SLC26A2: variants seen among roughly 807,000 people sequenced by gnomAD.
SLC26A2 encodes the protein sulfate transporter.
In SLC26A2, 36 loss-of-function variants were observed where a neutral mutation model predicts 41.1. The observed-to-expected ratio is 0.88, with a 90% CI of 0.67 to 1.16. The LOEUF is 1.16. SLC26A2 is among the 50% of genes most tolerant of loss of function. The pLI is 0.00. For synonymous variants in SLC26A2, 291 were observed against 311.6 expected (o/e 0.93, Z 0.70); for missense variants, 796 against 869.6 (o/e 0.92, Z 1.07).
In SLC26A2 at chr5:149,983,253, ATTG is replaced by A. The variant is rs1169173951; in HGVS notation, c.*1443_*1445del. The A allele has an allele frequency of 1.3e-5, 2 of 152,004 alleles. No homozygotes were observed. The highest frequency in any genetic ancestry group is 4.8e-5 in the African/African-American group (2 of 41,396). The allele number at this position is 152,004 out of a possible 1,614,324, so 9.4% of individuals were successfully genotyped here. A position where few individuals can be genotyped will look rare whatever the true frequency, so the allele number is the denominator to read the frequency against. ...ATATAGATATATGTAACTTAGCTTT[ATTG>A]TTAGCTCCATAAGCTGCCAGTGTTG... On this transcript the variant is annotated 3_prime_UTR_variant, in exon 3 of 3. Coordinates refer to ENST00000286298, the MANE Select transcript of SLC26A2 (RefSeq NM_000112.4).
At chr5:149,966,896 T>G (rs181284301) in intron 1 of SLC26A2, among the ~76,000 whole-genome samples, 1 of 152,316 alleles carries the variant, frequency 6.6e-6, no homozygotes, top group East Asian at 1.9e-4. Context: ...CTCCCAAAGT[T>G]GTGTGTGTCT....
Position 149,981,470 on chromosome 5 carries a change from T to G in SLC26A2, c.1877T>G (p.Val626Gly). ...AAGAGAAAGATCAAAGAAAAAGTAGTGACTCTTGGTGGAATCCAGGATGAA... is the reference window on the plus strand; with the variant it reads ...AAGAGAAAGATCAAAGAAAAAGTAGGGACTCTTGGTGGAATCCAGGATGAA... Reference protein sequence around the residue: ...AAKRKIKEKVVTLGGIQDEMS... With the variant: ...AAKRKIKEKVGTLGGIQDEMS... The change falls in exon 3 of 3, where the codon GTG becomes GGG. Residue 626 changes from valine to glycine, a missense_variant. Val to Gly is a moderately radical substitution (Grantham distance 109, BLOSUM62 -3). Coordinates refer to ENST00000286298, the MANE Select transcript of SLC26A2 (RefSeq NM_000112.4). 2 of 1,614,166 alleles carry G rather than the reference T, an allele frequency of 1.2e-6. No individual in the cohort carries two copies. The highest frequency in any genetic ancestry group is 1.3e-5 in the African/African-American group (1 of 75,060).
Position 149,976,917 on chromosome 5 carries a change from T to C in SLC26A2, c.-25-711T>C, listed in dbSNP as rs142035032. ...AACATAGTGGAATAGACAAAAACCTTCTACAGCATGTATGAGACACTTGGC... is the reference window on the plus strand; with the variant it reads ...AACATAGTGGAATAGACAAAAACCTCCTACAGCATGTATGAGACACTTGGC... On this transcript the variant is annotated intron_variant, in intron 1 of 2. Coordinates refer to ENST00000286298, the MANE Select transcript of SLC26A2 (RefSeq NM_000112.4). Among the ~76,000 whole-genome samples, 7 of 152,338 alleles carry C rather than the reference T, an allele frequency of 4.6e-5. No homozygotes were observed. The East Asian group carries it at 1.2e-3, about 25-fold the overall frequency.
At chr5:149,974,605 A>G (rs1252543620) in intron 1 of SLC26A2, among the ~76,000 whole-genome samples, 1 of 151,180 alleles carries the variant, frequency 6.6e-6, no homozygotes, top group African/African-American at 2.4e-5. Context: ...GTATTTTTTT[A>G]GAAGAGACGG....
At chr5:149,975,894 G>A (rs988257693) in intron 1 of SLC26A2, among the ~76,000 whole-genome samples, 5 of 151,734 alleles carry the variant, frequency 3.3e-5, no homozygotes, top group African/African-American at 4.8e-5. Flanking sequence ...GCAGTGGCTC[G>A]TGCCTGTTAT....
intron 1 of SLC26A2, among the ~76,000 whole-genome samples, chr5:149,973,906 G>C (rs537877051): frequency 6.6e-5 from 10 of 152,302 alleles, no homozygotes; most frequent in Middle Eastern, 3.4e-3. Context: ...ACTTTGGGAG[G>C]CCAGGGTGGG....
intron 2 of SLC26A2, among the ~76,000 whole-genome samples, chr5:149,978,907 A>G (rs1755044961): frequency 6.6e-6 from 1 of 151,604 alleles, no homozygotes; most frequent in South Asian, 2.1e-4. Flanking sequence ...TTGTAGAGAC[A>G]GGGTTTTGCC....
In SLC26A2 at chr5:149,977,938, T is replaced by A; in HGVS notation, c.286T>A (p.Leu96Met). Residue 96 changes from leucine (L) to methionine (M), a missense_variant, in exon 2 of 3, where the codon TTG becomes ATG. Physicochemically the swap from Leu to Met is conservative, Grantham distance 15 (BLOSUM62 2). Coordinates refer to ENST00000286298, the MANE Select transcript of SLC26A2 (RefSeq NM_000112.4). ...KNMILGFLPV[L>M]QWLPKYDLKK... ...TATGATTTTAGGTTTCCTTCCTGTT[T>A]TGCAGTGGCTCCCAAAATACGACCT... 6.2e-7 allele frequency: 1 copy of A among 1,614,204 alleles called. No individual in the cohort carries two copies. The highest frequency in any genetic ancestry group is 8.5e-7 in the Non-Finnish European group (1 of 1,180,026).
In SLC26A2 at chr5:149,980,680, C is replaced by T. The variant is rs1488150426; in HGVS notation, c.1087C>T (p.His363Tyr). The T allele has an allele frequency of 1.2e-6, 2 of 1,614,030 alleles. No homozygotes were observed. Among genetic ancestry groups the T allele is most frequent in the Non-Finnish European group, 1.7e-6 (2 of 1,179,962 alleles). Reference sequence around the variant, plus strand: ...AAATTATAATTCTAGTATTGCTGGACATATTCCCACTGGGTTTATGCCACC... The same window carrying T: ...AAATTATAATTCTAGTATTGCTGGATATATTCCCACTGGGTTTATGCCACC... ...HENYNSSIAG[H>Y]IPTGFMPPKV... is the part of the protein sequence containing the mutation. Residue 363 changes from histidine to tyrosine, a missense_variant, in exon 3 of 3, where the codon CAT becomes TAT. By Grantham distance (83) the His-to-Tyr change is moderately conservative. Coordinates refer to ENST00000286298, the MANE Select transcript of SLC26A2 (RefSeq NM_000112.4).
chr5:149,967,767 T>C lies in SLC26A2; in HGVS notation c.-26+6788T>C, dbSNP rs146034604. ...CTCTCTGTGTATATATATATTTTTG[T>C]TGTTGTTGTTGTTATTCTGTCACCT... On this transcript the variant is annotated intron_variant, in intron 1 of 2. Coordinates refer to ENST00000286298, the MANE Select transcript of SLC26A2 (RefSeq NM_000112.4). Among the ~76,000 whole-genome samples, 322 of 152,084 alleles carry C rather than the reference T, an allele frequency of 2.1e-3. 1 individual carries two copies. The highest frequency in any genetic ancestry group is 7.4e-3 in the African/African-American group (308 of 41,470).
At position 149,980,525 on chromosome 5, in the gene SLC26A2, G is replaced by A; in HGVS notation, c.932G>A (p.Cys311Tyr). 6.2e-7 allele frequency: 1 copy of A among 1,614,088 alleles called. No individual in the cohort carries two copies. Among genetic ancestry groups the A allele is most frequent in the East Asian group, 2.2e-5 (1 of 44,876 alleles). Residue 311 changes from cysteine to tyrosine, a missense_variant, in exon 3 of 3, where the codon TGC (cysteine) becomes TAC (tyrosine). Physicochemically the swap from Cys to Tyr is radical, Grantham distance 194. Coordinates refer to ENST00000286298, the MANE Select transcript of SLC26A2 (RefSeq NM_000112.4). ...TGTGATCTTATCACCAGCCTTTTGT[G>A]CCTTTTGGTTCTTTTGCCAACCAAA... ...NLCDLITSLL[C>Y]LLVLLPTKEL...
intron 1 of SLC26A2, among the ~76,000 whole-genome samples, chr5:149,975,403 C>T (rs1432252595): frequency 6.6e-6 from 1 of 152,152 alleles, no homozygotes; most frequent in Admixed American, 6.5e-5. Flanking sequence ...CCATACTGGG[C>T]AAGATTTGGA....
intron 1 of SLC26A2, among the ~76,000 whole-genome samples, chr5:149,970,318 G>T (rs1029385968): frequency 2.6e-5 from 4 of 152,170 alleles, no homozygotes; most frequent in African/African-American, 7.2e-5. Context: ...GACCAGCCTG[G>T]GAAACATAGC....
At chr5:149,977,522 A>G (rs1306454900) in intron 1 of SLC26A2, 106 bp from the exon 2 acceptor site, 3 of 730,400 alleles carry the variant, frequency 4.1e-6, no homozygotes, top group Non-Finnish European at 7.3e-6. Flanking sequence ...ACCTATTCCA[A>G]AACTGAATTC....
In SLC26A2 at chr5:149,977,903, A is replaced by C; in HGVS notation, c.251A>C (p.Lys84Thr). ...LQKNCQCSPA[K>T]AKNMILGFLP... is the part of the protein sequence containing the mutation. Reference sequence around the variant, plus strand: ...AAGAATTGCCAGTGCAGTCCAGCCAAAGCCAAAAATATGATTTTAGGTTTC... The same window carrying C: ...AAGAATTGCCAGTGCAGTCCAGCCACAGCCAAAAATATGATTTTAGGTTTC... Residue 84 changes from lysine (K) to threonine (T), a missense_variant, in exon 2 of 3, where the codon AAA becomes ACA. By Grantham distance (78) the Lys-to-Thr change is moderately conservative (BLOSUM62 -1). Transcript: ENST00000286298. 1 of 1,614,214 alleles carries C rather than the reference A, an allele frequency of 6.2e-7. No homozygotes were observed. Among genetic ancestry groups the C allele is most frequent in the Non-Finnish European group, 8.5e-7 (1 of 1,180,034 alleles).
chr5:149,979,988 A>G (rs1367612855), intron 2 of SLC26A2, among the ~76,000 whole-genome samples: 1 of 148,130 alleles, frequency 6.8e-6, no homozygotes, highest in Non-Finnish European at 1.5e-5. Context: ...TGATGGGAAG[A>G]ATGAAAAAAA....
chr5:149,962,671 G>T (rs769404326), intron 1 of SLC26A2, among the ~76,000 whole-genome samples: 25 of 152,220 alleles, frequency 1.6e-4, no homozygotes, highest in South Asian at 4.1e-4. Flanking sequence ...CCCCATGATT[G>T]ACAGAAGGAT....
chr5:149,972,689 G>A (rs747146498), intron 1 of SLC26A2, among the ~76,000 whole-genome samples: 3 of 152,108 alleles, frequency 2.0e-5, no homozygotes, highest in Non-Finnish European at 4.4e-5. Flanking sequence ...TTTAAAGTGG[G>A]TTTCAAGTAG....
At position 149,986,469 on chromosome 5, in the gene SLC26A2, C is replaced by T. The variant is rs887620675; in HGVS notation, c.*4656C>T. On this transcript the variant is annotated 3_prime_UTR_variant, in exon 3 of 3. Transcript: ENST00000286298. ...GGTTTAAAAAAAATTTAGTAACTTACAGGGATGGAGAATTTAGATGTCAGA... is the reference window on the plus strand; with the variant it reads ...GGTTTAAAAAAAATTTAGTAACTTATAGGGATGGAGAATTTAGATGTCAGA... 6.6e-6 allele frequency: 1 copy of T among 151,916 alleles called. No individual in the cohort carries two copies. The highest frequency in any genetic ancestry group is 2.4e-5 in the African/African-American group (1 of 41,354). The allele number at this position is 151,916 out of a possible 1,614,324, so 9.4% of individuals were successfully genotyped here. A position where few individuals can be genotyped will look rare whatever the true frequency, so the allele number is the denominator to read the frequency against.
Sources: allele counts gnomAD v4.1 joint callset (sites outside exome capture counted in the v4.1 genomes callset), GRCh38; gene constraint gnomAD v4.1.1; transcripts MANE v1.5; gene names NCBI Gene and HGNC (gene_info 2026-07-23, HGNC 2026-07-21).